Variants in HYDIN observed in about 807,000 individuals in gnomAD.
HYDIN encodes axonemal central pair apparatus protein HYDIN.
Under a neutral mutation model 403.9 loss-of-function variants are expected in HYDIN, and 132 were observed. The observed-to-expected ratio is 0.33, with a 90% CI of 0.28 to 0.38. The LOEUF (loss-of-function observed/expected upper bound fraction) is 0.38, where lower values mean the gene tolerates loss of function less well. Ranked by LOEUF, HYDIN falls within the 10% of genes least tolerant of loss-of-function variation. The pLI is 1.00. For missense variants in HYDIN, 2,827 were observed against 5,009.5 expected, an observed-to-expected ratio of 0.56 and a Z score of 13.15; for synonymous variants, 1,202 against 1,891.7, an observed-to-expected ratio of 0.64 and a Z score of 9.46.
At chr16:70,877,982 T>C (rs1458042412) in intron 62 of HYDIN, among the ~76,000 whole-genome samples, 1 of 151,606 alleles carries the variant, frequency 6.6e-6, no homozygotes, top group Non-Finnish European at 1.5e-5. Flanking sequence ...TACTGAAGAG[T>C]ATTCTTCAGT....
At position 71,007,504 on chromosome 16, in the gene HYDIN, G is replaced by A. The variant is rs530663144; in HGVS notation, c.3644+10625C>T. ...GGGGCTTTGCAGTCAGTGCAGAAAT[G>A]GGGTCTTGGACTTCTCAAAAGAAGA... On this transcript the variant is annotated intron_variant, in intron 23 of 85. Transcript: ENST00000393567. Among the ~76,000 whole-genome samples, 393 of 152,104 alleles carry A rather than the reference G, an allele frequency of 2.6e-3. 2 individuals are homozygous for A. The highest frequency in any genetic ancestry group is 1.9e-3 in the Non-Finnish European group (128 of 67,990).
Position 70,806,842 on chromosome 16 carries a change from C to T in HYDIN, c.*738G>A, listed in dbSNP as rs768493507. Among the ~76,000 whole-genome samples the T allele has an allele frequency of 4.9e-4, 75 of 152,146 alleles. No individual in the cohort carries two copies. Among genetic ancestry groups the T allele is most frequent in the Non-Finnish European group, 8.2e-4 (56 of 68,032 alleles). On this transcript the variant is annotated 3_prime_UTR_variant, in exon 86 of 86. Transcript: ENST00000393567. ...AATTACATCAGATGGGGACTGGGCACGTTCAGAGTGAGAGTTAGGTGGTCC... is the reference window on the plus strand; with the variant it reads ...AATTACATCAGATGGGGACTGGGCATGTTCAGAGTGAGAGTTAGGTGGTCC...
chr16:70,875,058 T>C lies in HYDIN; in HGVS notation c.10558-139A>G, dbSNP rs1302440279. 5 of 999,016 alleles carry C rather than the reference T, an allele frequency of 5.0e-6. No homozygotes were observed. The African/African-American group carries it at 8.2e-5, about 16-fold the overall frequency. The allele number at this position is 999,016 out of a possible 1,614,324, so 61.9% of individuals were successfully genotyped here. ...CTAGTATTCACTTTTTTGAATTTCT[T>C]AAGAGAGATAAATAATAAATATTAG... is the stretch of plus-strand genomic sequence containing the variant. On this transcript the variant is annotated intron_variant, in intron 62 of 85. Transcript: ENST00000393567.
rs1436783679 is a variant in HYDIN, at chr16:71,142,453, G to A, written c.842-5101C>T. ...CTCACTGCAAAAGTCTTCCTTCCCA[G>A]AAATATAGCAAAAGCTATTTTTTTT... On this transcript the variant is annotated intron_variant, in intron 7 of 85. Transcript: ENST00000393567. 6.7e-5 allele frequency among the ~76,000 whole-genome samples: 2 copies of A among 29,940 alleles called. 1 individual carries two copies. Among genetic ancestry groups the A allele is most frequent in the Non-Finnish European group, 9.5e-5 (2 of 21,092 alleles). 19.6% of individuals were successfully genotyped at this position (29,940 alleles called of 152,430 possible). A position where few individuals can be genotyped will look rare whatever the true frequency, so the allele number is the denominator to read the frequency against.
intron 10 of HYDIN, among the ~76,000 whole-genome samples, chr16:71,105,367 C>A (rs1321560322): frequency 6.7e-6 from 1 of 150,052 alleles, no homozygotes; most frequent in African/African-American, 2.4e-5. Flanking sequence ...AGGAAAACAA[C>A]ATTGGAGAGA....
At chr16:70,994,000 A>G (rs1356440895) in intron 23 of HYDIN, among the ~76,000 whole-genome samples, 1 of 152,164 alleles carries the variant, frequency 6.6e-6, no homozygotes, top group African/African-American at 2.4e-5. Flanking sequence ...AAATGAAAAC[A>G]CAGGATTATC....
chr16:70,922,346 G>A (rs1298025797), intron 45 of HYDIN, among the ~76,000 whole-genome samples: 2 of 152,248 alleles, frequency 1.3e-5, no homozygotes, highest in Non-Finnish European at 2.9e-5. Context: ...AAGACTGTGG[G>A]AGCCCAGCGT....
chr16:71,209,947 G>T lies in HYDIN; in HGVS notation c.-24+20615C>A, dbSNP rs376750841. Among the ~76,000 whole-genome samples, 19 of 152,276 alleles carry T rather than the reference G, an allele frequency of 1.2e-4. 1 individual carries two copies. Among genetic ancestry groups the T allele is most frequent in the African/African-American group, 4.3e-4 (18 of 41,562 alleles). On this transcript the variant is annotated intron_variant, in intron 1 of 85. Coordinates refer to ENST00000393567, the MANE Select transcript of HYDIN (RefSeq NM_001270974.2). ...GGTAGAAAGAAGAAATATCATTAAA[G>T]GGGCCATACTGCCCAAAGCAATTTA...
intron 41 of HYDIN, 102 bp from the exon 42 acceptor site, chr16:70,944,051 C>A: frequency 1.2e-6 from 1 of 850,394 alleles, no homozygotes. Context: ...CATAATCTGT[C>A]ATTTCCTCAT....
chr16:71,100,164 T>C (rs2144405280), intron 10 of HYDIN, among the ~76,000 whole-genome samples: 1 of 152,236 alleles, frequency 6.6e-6, no homozygotes, highest in East Asian at 1.9e-4. Context: ...TAAAAATAAA[T>C]CAACAAAACA....
In HYDIN at chr16:71,189,360, C is replaced by T. The variant is rs147179117; in HGVS notation, c.-23-2442G>A. ...TACATATCAAAAATGAAAAAAGAAA[C>T]GGGAAAATCAATTCTTAAAAATAAA... is the stretch of plus-strand genomic sequence containing the variant. On this transcript the variant is annotated intron_variant, in intron 1 of 85. Coordinates refer to ENST00000393567, the MANE Select transcript of HYDIN (RefSeq NM_001270974.2). Among the ~76,000 whole-genome samples the T allele has an allele frequency of 3.1e-3, 472 of 152,114 alleles. 2 individuals carry two copies. Among genetic ancestry groups the T allele is most frequent in the African/African-American group, 0.011 (438 of 41,518 alleles).
intron 12 of HYDIN, among the ~76,000 whole-genome samples, chr16:71,085,806 A>G (rs529009557): frequency 6.6e-6 from 1 of 152,332 alleles, no homozygotes; most frequent in African/African-American, 2.4e-5. Context: ...CATGGTGTAT[A>G]TATTTCCATC....
chr16:71,184,830 C>T (rs1233984092), intron 3 of HYDIN, 35 bp downstream of exon 3: 1 of 1,530,992 alleles, frequency 6.5e-7, no homozygotes, highest in Non-Finnish European at 8.9e-7. Context: ...GTGCCAGGGC[C>T]CACTTTATAT....
chr16:70,853,659 G>C (rs555365303), intron 73 of HYDIN, among the ~76,000 whole-genome samples: 6 of 143,158 alleles, frequency 4.2e-5, no homozygotes, highest in Non-Finnish European at 7.4e-5. Context: ...TAGACACAGA[G>C]GAAAGTATTG....
Position 71,031,857 on chromosome 16 carries a change from C to G in HYDIN, c.2590G>C (p.Asp864His). 1 of 1,183,830 alleles carries G rather than the reference C, an allele frequency of 8.4e-7. No individual in the cohort carries two copies. Among genetic ancestry groups the G allele is most frequent in the Non-Finnish European group, 1.3e-6 (1 of 796,418 alleles). 73.3% of individuals were successfully genotyped at this position (1,183,830 alleles called of 1,614,324 possible). The change falls in exon 19 of 86, where the codon GAT (aspartate) becomes CAT (histidine). Residue 864 changes from aspartate (D) to histidine (H), a missense_variant. Physicochemically the swap from Asp to His is moderately conservative, Grantham distance 81 (BLOSUM62 -1). Transcript: ENST00000393567. ...PNEGMVPPET[D>H]VQLALTANLN... ...TTGGCGGTCAGTGCCAGTTGAACATCAGTTTCTGGAGGAACCATGCCTTCA... is the reference window on the plus strand; with the variant it reads ...TTGGCGGTCAGTGCCAGTTGAACATGAGTTTCTGGAGGAACCATGCCTTCA...
At chr16:71,170,905 T>G (rs1325322404) in intron 5 of HYDIN, among the ~76,000 whole-genome samples, 1 of 152,178 alleles carries the variant, frequency 6.6e-6, no homozygotes, top group African/African-American at 2.4e-5. Flanking sequence ...GCGCTGAGAT[T>G]TGAAAAGGTG....
rs865878770 is a variant in HYDIN at position 71,022,302 on chromosome 16, A to C, written c.3187-1985T>G. 2.6e-5 allele frequency among the ~76,000 whole-genome samples: 4 copies of C among 152,268 alleles called. No individual in the cohort carries two copies. The East Asian group carries it at 7.7e-4, about 29-fold the overall frequency. ...ATTTTAAAATGACCCCTTCTCTTTG[A>C]GTTGTTCGTCTCTCCAAATATCAGC... is the stretch of plus-strand genomic sequence containing the variant. On this transcript the variant is annotated intron_variant, in intron 21 of 85. Coordinates refer to ENST00000393567, the MANE Select transcript of HYDIN (RefSeq NM_001270974.2).
intron 33 of HYDIN, 45 bp from the exon 34 acceptor site, chr16:70,974,065 G>A: frequency 1.2e-6 from 1 of 826,846 alleles, no homozygotes. Flanking sequence ...ATGGGGTTGG[G>A]GAAAGGAAGA....
intron 64 of HYDIN, 23 bp from the exon 65 acceptor site, chr16:70,872,202 T>A (rs747025724): frequency 4.1e-6 from 5 of 1,208,092 alleles, no homozygotes; most frequent in South Asian, 3.0e-5. Context: ...AGCAGAAGGC[T>A]GTGAGTCCTC....
Sources: gnomAD v4.1 joint callset for allele counts (sites outside exome capture counted in the v4.1 genomes callset) on GRCh38, gnomAD v4.1.1 for gene constraint, MANE v1.5 for transcripts, NCBI Gene and HGNC (gene_info 2026-07-23, HGNC 2026-07-21) for gene names.